The following PIBF1 variants were observed in gnomAD, a reference collection of about 807,000 sequenced individuals.
PIBF1 encodes the protein progesterone-induced-blocking factor 1.
PIBF1 carries 90 observed loss-of-function variants against 112.5 expected under a neutral mutation model. That is an observed-to-expected ratio of 0.80 (90% CI 0.67 to 0.95). The LOEUF (loss-of-function observed/expected upper bound fraction) is 0.95. Among genes scored for constraint, PIBF1 ranks in the 40% least tolerant of loss-of-function variants. PIBF1 has a pLI of 0.00. For synonymous variants in PIBF1, 301 were observed against 288.6 expected, an observed-to-expected ratio of 1.04 and a Z score of -0.44; for missense variants, 915 against 852.3, an observed-to-expected ratio of 1.07 and a Z score of -0.92.
chr13:72,879,213 G>T (rs888121215), intron 10 of PIBF1, among the ~76,000 whole-genome samples: 8 of 151,718 alleles, frequency 5.3e-5, no homozygotes, highest in African/African-American at 4.8e-5. Context: ...GCATTATGTT[G>T]TTGGGCACAT....
intron 9 of PIBF1, among the ~76,000 whole-genome samples, chr13:72,844,777 A>AGT (rs1566348603): frequency 5.2e-5 from 7 of 134,382 alleles, no homozygotes; most frequent in African/African-American, 2.0e-4. Flanking sequence ...ACACACACAC[A>AGT]CACACACACA....
chr13:72,866,224 C>A lies in PIBF1; in HGVS notation c.1322+12069C>A, dbSNP rs560048995. On this transcript the variant is annotated intron_variant, in intron 10 of 17. Coordinates refer to ENST00000326291, the MANE Select transcript of PIBF1 (RefSeq NM_006346.4). Reference sequence around the variant, plus strand: ...AGGACAGGTCTCTCATCTCAAGATGCTTAACTTAATCACATCTACAAAGAC... The same window carrying A: ...AGGACAGGTCTCTCATCTCAAGATGATTAACTTAATCACATCTACAAAGAC... Among the ~76,000 whole-genome samples, 6 of 152,302 alleles carry A rather than the reference C, an allele frequency of 3.9e-5. No individual in the cohort carries two copies. The East Asian group carries it at 1.2e-3, about 29-fold the overall frequency.
At chr13:72,823,656 C>CT (rs2036669360) in intron 6 of PIBF1, among the ~76,000 whole-genome samples, 1 of 152,120 alleles carries the variant, frequency 6.6e-6, no homozygotes, top group Non-Finnish European at 1.5e-5. Context: ...AATTCAAATG[C>CT]TTTTCAGTAG....
intron 16 of PIBF1, among the ~76,000 whole-genome samples, chr13:72,983,728 C>G (rs908305602): frequency 1.3e-5 from 2 of 152,158 alleles, no homozygotes; most frequent in African/African-American, 4.8e-5. Context: ...GAAGTTCCAA[C>G]AAATTGCATT....
chr13:72,910,833 G>C (rs2040868434), intron 12 of PIBF1, among the ~76,000 whole-genome samples: 1 of 152,044 alleles, frequency 6.6e-6, no homozygotes, highest in Non-Finnish European at 1.5e-5. Context: ...AAATACTTAG[G>C]AATAAATTTA....
At chr13:73,002,517 C>A (rs971476382) in intron 17 of PIBF1, among the ~76,000 whole-genome samples, 1 of 152,160 alleles carries the variant, frequency 6.6e-6, no homozygotes, top group African/African-American at 2.4e-5. Context: ...TTTCCTCTTT[C>A]CTTCCTGAGC....
At chr13:72,967,116 A>G (rs2042762688) in intron 15 of PIBF1, among the ~76,000 whole-genome samples, 1 of 151,846 alleles carries the variant, frequency 6.6e-6, no homozygotes, top group Non-Finnish European at 1.5e-5. Context: ...TTGTATTTTT[A>G]GTGGAGACAG....
chr13:72,946,995 T>C (rs1450141029), intron 14 of PIBF1, among the ~76,000 whole-genome samples: 1 of 152,182 alleles, frequency 6.6e-6, no homozygotes, highest in East Asian at 1.9e-4. Context: ...CTAGGCAGTG[T>C]CCTAGTGTGG....
Position 72,908,579 on chromosome 13 carries a change from A to G in PIBF1, c.1537A>G (p.Ile513Val), listed in dbSNP as rs776915628. ...YSLQASSEKRITELQAQNSEH... is the reference protein window; with the variant it reads ...YSLQASSEKRVTELQAQNSEH... ...TCTCCAAGCCTCTTCTGAAAAACGC[A>G]TTACTGAACTTCAAGCACAGAACTC... The change falls in exon 12 of 18, where the codon ATT becomes GTT. Residue 513 changes from isoleucine to valine, a missense_variant. Transcript: ENST00000326291. 4.3e-6 allele frequency: 7 copies of G among 1,612,910 alleles called. No homozygotes were observed. In the South Asian group the frequency reaches 4.4e-5, roughly 10 times the overall value.
At chr13:72,816,421 T>C (rs2036276963) in intron 5 of PIBF1, among the ~76,000 whole-genome samples, 1 of 152,102 alleles carries the variant, frequency 6.6e-6, no homozygotes, top group Non-Finnish European at 1.5e-5. Context: ...CGCAGCACTT[T>C]TGGGGCTGAG....
At chr13:72,950,219 A>G (rs576271162) in intron 14 of PIBF1, among the ~76,000 whole-genome samples, 4 of 152,306 alleles carry the variant, frequency 2.6e-5, no homozygotes, top group East Asian at 1.9e-4. Context: ...TCTGTACTCT[A>G]TTCCTCCGAA....
chr13:72,837,226 A>T (rs2037402985), intron 9 of PIBF1, among the ~76,000 whole-genome samples: 1 of 152,092 alleles, frequency 6.6e-6, no homozygotes, highest in African/African-American at 2.4e-5. Flanking sequence ...ATTAATTTTT[A>T]AAATAACATT....
rs117053979 is a variant in PIBF1 at position 72,942,106 on chromosome 13, T to C, written c.1833+10839T>C. Among the ~76,000 whole-genome samples the C allele has an allele frequency of 2.6e-4, 39 of 152,210 alleles. No homozygotes were observed. The East Asian group carries it at 7.5e-3, about 29-fold the overall frequency. ...AGGAGTGTTCTTCCAGCATCCCCAGTGAGCTCAGTCTCTTGGAAAGAGTCT... is the reference window on the plus strand; with the variant it reads ...AGGAGTGTTCTTCCAGCATCCCCAGCGAGCTCAGTCTCTTGGAAAGAGTCT... On this transcript the variant is annotated intron_variant, in intron 14 of 17. Transcript: ENST00000326291.
chr13:72,829,193 G>T (rs2036978805), intron 8 of PIBF1, among the ~76,000 whole-genome samples: 1 of 152,118 alleles, frequency 6.6e-6, no homozygotes. Flanking sequence ...TTGTCAGATG[G>T]ATAGATTGCA....
chr13:72,824,320 G>A (rs1276561119), intron 6 of PIBF1, among the ~76,000 whole-genome samples: 1 of 151,864 alleles, frequency 6.6e-6, no homozygotes, highest in East Asian at 1.9e-4. Flanking sequence ...CCCAGCCCAC[G>A]TTGATACTTC....
At chr13:72,891,332 T>C (rs1220044662) in intron 10 of PIBF1, among the ~76,000 whole-genome samples, 2 of 152,144 alleles carry the variant, frequency 1.3e-5, no homozygotes, top group Admixed American at 1.3e-4. Context: ...AAATTACTTA[T>C]CCAGAATTTA....
At chr13:72,885,955 A>C (rs1275485635) in intron 10 of PIBF1, among the ~76,000 whole-genome samples, 1 of 152,298 alleles carries the variant, frequency 6.6e-6, no homozygotes, top group African/African-American at 2.4e-5. Context: ...AGCCCATTTC[A>C]GAACACTAAT....
intron 5 of PIBF1, among the ~76,000 whole-genome samples, chr13:72,801,227 A>G (rs1191465447): frequency 2.0e-5 from 3 of 152,186 alleles, no homozygotes; most frequent in Non-Finnish European, 4.4e-5. Context: ...ATGATCTGAC[A>G]TGTACAGTTG....
intron 10 of PIBF1, among the ~76,000 whole-genome samples, chr13:72,870,828 C>CA (rs75393247): frequency 0.05 from 4,244 of 84,276 alleles, 96 homozygotes; most frequent in African/African-American, 0.087. Flanking sequence ...AAAGAATTTT[C>CA]AAAAAAAAAA....
Sources: allele counts gnomAD v4.1 joint callset (sites outside exome capture counted in the v4.1 genomes callset), GRCh38; gene constraint gnomAD v4.1.1; transcripts MANE v1.5; gene names NCBI Gene and HGNC (gene_info 2026-07-23, HGNC 2026-07-21).